CSMD1: variants seen among roughly 807,000 people sequenced by gnomAD.
The protein encoded by CSMD1 is CUB and Sushi multiple domains 1.
CSMD1 carries 213 observed loss-of-function variants against 417.5 expected under a neutral mutation model. The ratio of observed to expected loss-of-function variants is 0.51; its 90% CI spans 0.46 to 0.57. The LOEUF is 0.57. Among genes scored for constraint, CSMD1 ranks in the 20% least tolerant of loss-of-function variants. The probability of loss-of-function intolerance (pLI) is 0.00; values close to 1 mark genes in which losing one functional copy is unlikely to be tolerated. For missense variants in CSMD1, 6,923 were observed against 4,529.7 expected (o/e 1.53, Z -15.17); for synonymous variants, 2,862 against 1,736.8 (o/e 1.65, Z -16.11).
intron 30 of CSMD1, among the ~76,000 whole-genome samples, chr8:3,205,885 TATA>T (rs1031514049): frequency 6.6e-6 from 1 of 152,146 alleles, no homozygotes; most frequent in African/African-American, 2.4e-5. Context: ...GGGAAACATC[TATA>T]ATAATAATAA....
intron 3 of CSMD1, among the ~76,000 whole-genome samples, chr8:4,280,831 C>T (rs1421751740): frequency 1.3e-5 from 2 of 152,000 alleles, no homozygotes; most frequent in Non-Finnish European, 2.9e-5. Flanking sequence ...AATTATAAGA[C>T]TTTTATCTTC....
intron 3 of CSMD1, among the ~76,000 whole-genome samples, chr8:4,041,817 A>T (rs1338948450): frequency 2.6e-5 from 4 of 152,176 alleles, no homozygotes; most frequent in African/African-American, 7.2e-5. Context: ...ACCCACAAAA[A>T]AACAAAACAA....
chr8:3,913,559 C>T (rs1243691359), intron 5 of CSMD1, among the ~76,000 whole-genome samples: 2 of 152,242 alleles, frequency 1.3e-5, no homozygotes, highest in South Asian at 2.1e-4. Context: ...AATAAGGCAA[C>T]AAAGAATACG....
chr8:3,908,023 G>A (rs1203671831), intron 5 of CSMD1, among the ~76,000 whole-genome samples: 1 of 152,052 alleles, frequency 6.6e-6, no homozygotes, highest in African/African-American at 2.4e-5. Context: ...TTTCTACCAG[G>A]AGGACTCCAT....
intron 7 of CSMD1, among the ~76,000 whole-genome samples, chr8:3,643,374 A>T (rs566649868): frequency 6.6e-6 from 1 of 152,138 alleles, no homozygotes; most frequent in Non-Finnish European, 1.5e-5. Flanking sequence ...CAAGCTGATG[A>T]CAGACCTCCA....
At chr8:3,507,367 A>G (rs1453530668) in intron 10 of CSMD1, among the ~76,000 whole-genome samples, 2 of 152,150 alleles carry the variant, frequency 1.3e-5, no homozygotes, top group Non-Finnish European at 2.9e-5. Context: ...GTATTACATG[A>G]TGTATTTGTG....
intron 6 of CSMD1, among the ~76,000 whole-genome samples, chr8:3,733,787 G>T (rs1796389650): frequency 6.6e-6 from 1 of 152,070 alleles, no homozygotes; most frequent in Non-Finnish European, 1.5e-5. Context: ...GCAAGCGGGT[G>T]GATACTTGCA....
intron 10 of CSMD1, among the ~76,000 whole-genome samples, chr8:3,514,292 C>T (rs935337695): frequency 6.6e-6 from 1 of 152,274 alleles, no homozygotes; most frequent in East Asian, 1.9e-4. Context: ...TAGAGACGTC[C>T]TCAGTGCATT....
intron 1 of CSMD1, among the ~76,000 whole-genome samples, chr8:4,761,436 G>T (rs991238307): frequency 2.6e-5 from 4 of 151,756 alleles, no homozygotes; most frequent in African/African-American, 9.7e-5. Flanking sequence ...AAAATATGTT[G>T]CTGAAATAAA....
chr8:4,865,001 T>A (rs1326394805), intron 1 of CSMD1, among the ~76,000 whole-genome samples: 2 of 151,470 alleles, frequency 1.3e-5, no homozygotes, highest in African/African-American at 4.8e-5. Context: ...TTTAGTCTGA[T>A]TTTTTAAATT....
At chr8:4,226,971 G>A (rs1274573583) in intron 3 of CSMD1, among the ~76,000 whole-genome samples, 2 of 152,126 alleles carry the variant, frequency 1.3e-5, no homozygotes, top group Non-Finnish European at 2.9e-5. Context: ...TTAGTTTGGA[G>A]AAGCACAGTT....
intron 11 of CSMD1, among the ~76,000 whole-genome samples, chr8:3,480,947 G>C (rs1209136354): frequency 1.3e-5 from 2 of 151,898 alleles, no homozygotes; most frequent in Non-Finnish European, 2.9e-5. Flanking sequence ...ACAAGGTCAG[G>C]AGATCGAGAC....
intron 14 of CSMD1, 88 bp downstream of exon 14, chr8:3,407,811 G>C (rs1200613127): frequency 2.7e-6 from 3 of 1,128,912 alleles, no homozygotes; most frequent in South Asian, 1.6e-5. Flanking sequence ...TATCAACCTT[G>C]AAATGCAACT....
chr8:3,282,143 A>G (rs1362114680), intron 26 of CSMD1, among the ~76,000 whole-genome samples: 4 of 152,190 alleles, frequency 2.6e-5, no homozygotes, highest in Non-Finnish European at 5.9e-5. Flanking sequence ...TTACAGCAAT[A>G]TGAAGATGGA....
chr8:4,467,494 TAG>T (rs1382626162), intron 2 of CSMD1, among the ~76,000 whole-genome samples: 1 of 152,226 alleles, frequency 6.6e-6, no homozygotes, highest in African/African-American at 2.4e-5. Flanking sequence ...GGCCAGAGGA[TAG>T]AGTTCTGACT....
At chr8:3,661,920 G>C (rs530725264) in intron 7 of CSMD1, among the ~76,000 whole-genome samples, 22 of 152,298 alleles carry the variant, frequency 1.4e-4, no homozygotes, top group South Asian at 2.1e-4. Flanking sequence ...CAAATTTATA[G>C]CAAAGAGGAG....
chr8:3,991,343 C>T (rs1814731662), intron 5 of CSMD1, among the ~76,000 whole-genome samples: 1 of 152,136 alleles, frequency 6.6e-6, no homozygotes, highest in Non-Finnish European at 1.5e-5. Flanking sequence ...TCTGGGATGG[C>T]CAGTTTTCTC....
At chr8:4,023,950 T>C (rs1365699626) in intron 4 of CSMD1, among the ~76,000 whole-genome samples, 1 of 151,710 alleles carries the variant, frequency 6.6e-6, no homozygotes, top group African/African-American at 2.4e-5. Flanking sequence ...AGACTTTAGA[T>C]ACATTAAGAG....
chr8:4,899,408 A>T (rs1322124533), intron 1 of CSMD1, among the ~76,000 whole-genome samples: 2 of 152,230 alleles, frequency 1.3e-5, no homozygotes, highest in Non-Finnish European at 2.9e-5. Flanking sequence ...ATATAAACAT[A>T]CTTCTCCCAG....
Sources: gnomAD v4.1 joint callset for allele counts (sites outside exome capture counted in the v4.1 genomes callset) on GRCh38, gnomAD v4.1.1 for gene constraint, MANE v1.5 for transcripts, NCBI Gene and HGNC (gene_info 2026-07-23, HGNC 2026-07-21) for gene names.